The following CDH13 variants were observed in gnomAD, a reference collection of about 807,000 sequenced individuals.
CDH13 encodes the protein cadherin 13.
CDH13 carries 24 observed loss-of-function variants against 63.8 expected under a neutral mutation model. The observed-to-expected ratio is 0.38, with a 90% CI of 0.27 to 0.53. The LOEUF is 0.53. CDH13 is among the 20% of genes least tolerant of loss of function. The probability of loss-of-function intolerance (pLI) is 0.85; values close to 1 mark genes in which losing one functional copy is unlikely to be tolerated. For missense variants in CDH13, 1,049 were observed against 903.1 expected, an observed-to-expected ratio of 1.16 and a Z score of -2.07; for synonymous variants, 503 against 355.3, an observed-to-expected ratio of 1.42 and a Z score of -4.67.
intron 10 of CDH13, among the ~76,000 whole-genome samples, chr16:83,740,255 A>T (rs184164716): frequency 1.3e-5 from 2 of 151,994 alleles, no homozygotes; most frequent in South Asian, 4.2e-4. Context: ...ATTTTATTCT[A>T]TACCCCATGG....
At chr16:83,056,337 G>A (rs1007276177) in intron 3 of CDH13, among the ~76,000 whole-genome samples, 1 of 151,946 alleles carries the variant, frequency 6.6e-6, no homozygotes, top group Admixed American at 6.6e-5. Context: ...GTACACTAAA[G>A]GCTCTTACAA....
chr16:83,079,879 C>A, intron 3 of CDH13, among the ~76,000 whole-genome samples: 1 of 152,158 alleles, frequency 6.6e-6, no homozygotes, highest in East Asian at 1.9e-4. Flanking sequence ...GGAAACAAGT[C>A]ATTAAAAACA....
chr16:83,104,303 C>T (rs899457851), intron 3 of CDH13, among the ~76,000 whole-genome samples: 4 of 152,132 alleles, frequency 2.6e-5, no homozygotes, highest in East Asian at 1.9e-4. Context: ...CGTGGGGAGA[C>T]GTGAGACATC....
rs1012178801 is a variant in CDH13, at chr16:83,714,342, C to T, written c.1539-33766C>T. 7.9e-5 allele frequency among the ~76,000 whole-genome samples: 12 copies of T among 152,262 alleles called. No homozygotes were observed. In the East Asian group the frequency reaches 9.6e-4, roughly 12 times the overall value. On this transcript the variant is annotated intron_variant, in intron 10 of 13. Coordinates refer to ENST00000567109, the MANE Select transcript of CDH13 (RefSeq NM_001257.5). ...AAATACTTAATAGAAATGAAATCTA[C>T]GCTCTCGGTCATAGATAGCTGGCAT... is the stretch of plus-strand genomic sequence containing the variant.
chr16:83,653,080 A>T (rs1701351744), intron 8 of CDH13, among the ~76,000 whole-genome samples: 2 of 152,162 alleles, frequency 1.3e-5, no homozygotes, highest in African/African-American at 4.8e-5. Flanking sequence ...TTCCATTTCT[A>T]TGAAATGTCC....
intron 1 of CDH13, among the ~76,000 whole-genome samples, chr16:82,708,829 C>G (rs1371568372): frequency 6.6e-6 from 1 of 152,172 alleles, no homozygotes; most frequent in Admixed American, 6.5e-5. Flanking sequence ...GTGTGAATAT[C>G]AGAGTACTAT....
chr16:83,616,525 G>T (rs1567807325), intron 8 of CDH13, among the ~76,000 whole-genome samples: 1 of 152,028 alleles, frequency 6.6e-6, no homozygotes, highest in Admixed American at 6.6e-5. Context: ...CCATAGCACA[G>T]TGGCCTCTGA....
intron 10 of CDH13, among the ~76,000 whole-genome samples, chr16:83,700,184 T>G (rs982331029): frequency 6.6e-6 from 1 of 152,216 alleles, no homozygotes; most frequent in Non-Finnish European, 1.5e-5. Flanking sequence ...TCATAAAGTA[T>G]GCCCTCTTTT....
In CDH13 at chr16:82,805,198, T is replaced by C. The variant is rs563281873; in HGVS notation, c.46-53164T>C. Among the ~76,000 whole-genome samples, 9 of 152,312 alleles carry C rather than the reference T, an allele frequency of 5.9e-5. No homozygotes were observed. In the South Asian group the frequency reaches 1.9e-3, roughly 32 times the overall value. On this transcript the variant is annotated intron_variant, in intron 1 of 13. Coordinates refer to ENST00000567109, the MANE Select transcript of CDH13 (RefSeq NM_001257.5). ...GTCCTTCTCTCTAATAGGACTGTGC[T>C]ATGATAGCTGTTGGTGGGAGAGAGG...
At chr16:83,038,371 A>G (rs1917048171) in intron 3 of CDH13, among the ~76,000 whole-genome samples, 1 of 152,220 alleles carries the variant, frequency 6.6e-6, no homozygotes, top group Non-Finnish European at 1.5e-5. Flanking sequence ...TGGGCTTCCC[A>G]GAATCTAGTA....
chr16:83,372,358 T>A (rs1330849325), intron 6 of CDH13, among the ~76,000 whole-genome samples: 5 of 152,196 alleles, frequency 3.3e-5, no homozygotes, highest in Non-Finnish European at 7.3e-5. Flanking sequence ...TAACTTCATG[T>A]GTCATGGTAC....
intron 2 of CDH13, among the ~76,000 whole-genome samples, chr16:82,985,809 G>A (rs569942393): frequency 2.0e-5 from 3 of 152,258 alleles, no homozygotes; most frequent in African/African-American, 4.8e-5. Flanking sequence ...TACCATCTTG[G>A]TACTGTTCTC....
At chr16:82,954,311 T>A (rs1212121978) in intron 2 of CDH13, 1 of 152,062 alleles carries the variant, frequency 6.6e-6, no homozygotes, top group African/African-American at 2.4e-5. Context: ...GTTCACCCTG[T>A]GGAAGGGAAG....
At chr16:83,355,111 C>T (rs9929924) in intron 6 of CDH13, among the ~76,000 whole-genome samples, 26,893 of 152,110 alleles carry the variant, frequency 0.18, 3,987 homozygotes, top group African/African-American at 0.4. Context: ...GATTTTACTG[C>T]TGAAAAATGA....
At chr16:82,689,329 A>G (rs1915403832) in intron 1 of CDH13, among the ~76,000 whole-genome samples, 1 of 152,196 alleles carries the variant, frequency 6.6e-6, no homozygotes, top group Non-Finnish European at 1.5e-5. Context: ...TGTATTCCGT[A>G]GGTAAATTGT....
At position 83,515,494 on chromosome 16, in the gene CDH13, G is replaced by A. The variant is rs553204072; in HGVS notation, c.960+28839G>A. 8.5e-5 allele frequency among the ~76,000 whole-genome samples: 13 copies of A among 152,324 alleles called. No homozygotes were observed. In the South Asian group the frequency reaches 2.7e-3, roughly 32 times the overall value. The stretch of plus-strand genomic sequence containing the variant: ...TGAAGGAGCTTCTGTAATCAGGAGA[G>A]AAACTTTATATCATGCTGTAATTTC... On this transcript the variant is annotated intron_variant, in intron 7 of 13. Transcript: ENST00000567109.
chr16:83,057,901 G>A (rs114668169), intron 3 of CDH13, among the ~76,000 whole-genome samples: 1 of 152,070 alleles, frequency 6.6e-6, no homozygotes, highest in Non-Finnish European at 1.5e-5. Context: ...TAACATCAAT[G>A]GTAAGGTTCC....
chr16:83,253,025 G>A (rs761322126), intron 5 of CDH13, among the ~76,000 whole-genome samples: 6 of 152,150 alleles, frequency 3.9e-5, no homozygotes, highest in South Asian at 4.2e-4. Flanking sequence ...GAGGTATTGC[G>A]TGCCAAACCC....
intron 7 of CDH13, among the ~76,000 whole-genome samples, chr16:83,497,027 A>T (rs2074161946): frequency 6.6e-6 from 1 of 152,198 alleles, no homozygotes; most frequent in Admixed American, 6.5e-5. Context: ...GCTGGAGAGG[A>T]TGTGGAGAAA....
Sources: gnomAD v4.1 joint callset for allele counts (sites outside exome capture counted in the v4.1 genomes callset) on GRCh38, gnomAD v4.1.1 for gene constraint, MANE v1.5 for transcripts, NCBI Gene and HGNC (gene_info 2026-07-23, HGNC 2026-07-21) for gene names.